Variants in WRN observed in about 807,000 individuals in gnomAD.
WRN encodes the protein WRN RecQ like helicase, also known as bifunctional 3'-5' exonuclease/ATP-dependent helicase WRN.
In WRN, 149 loss-of-function variants were observed where a neutral mutation model predicts 180.7. The observed-to-expected ratio is 0.82, with a 90% CI of 0.72 to 0.94. The LOEUF (loss-of-function observed/expected upper bound fraction) is 0.94, where lower values mean the gene tolerates loss of function less well. WRN is among the 40% of genes least tolerant of loss of function. WRN has a pLI of 0.00. For synonymous variants in WRN, 548 were observed against 568.9 expected, an observed-to-expected ratio of 0.96 and a Z score of 0.52; for missense variants, 1,661 against 1,700.1, an observed-to-expected ratio of 0.98 and a Z score of 0.40.
intron 8 of WRN, among the ~76,000 whole-genome samples, 166 bp from the exon 9 acceptor site, chr8:31,080,701 G>A (rs969197327): frequency 2.0e-5 from 3 of 152,062 alleles, no homozygotes; most frequent in African/African-American, 7.2e-5. Flanking sequence ...TAGCCTGCAA[G>A]CTGTAATTAT....
In WRN at chr8:31,135,276, C is replaced by G. The variant is rs535666554; in HGVS notation, c.2967+2770C>G. Among the ~76,000 whole-genome samples the G allele has an allele frequency of 7.9e-5, 12 of 152,088 alleles. No homozygotes were observed. The East Asian group carries it at 2.1e-3, about 27-fold the overall frequency. On this transcript the variant is annotated intron_variant, in intron 24 of 34. Transcript: ENST00000298139. Reference sequence around the variant, plus strand: ...TCTCCCCATGTTGCCCTGCCTGTCTCAAACTCCAGGGCTCTCAGGTGATAC... The same window carrying G: ...TCTCCCCATGTTGCCCTGCCTGTCTGAAACTCCAGGGCTCTCAGGTGATAC...
chr8:31,137,107 A>T (rs1186592462), intron 24 of WRN, among the ~76,000 whole-genome samples: 2 of 151,258 alleles, frequency 1.3e-5, no homozygotes, highest in African/African-American at 4.9e-5. Context: ...TTCCTAGTTG[A>T]AAAGGGAATA....
At chr8:31,060,601 C>T (rs147831915) in intron 3 of WRN, among the ~76,000 whole-genome samples, 1 of 152,252 alleles carries the variant, frequency 6.6e-6, no homozygotes, top group East Asian at 1.9e-4. Flanking sequence ...TGGTCTTCTA[C>T]TGGTATAGAT....
At position 31,132,419 on chromosome 8, in the gene WRN, T is replaced by G; in HGVS notation, c.2880T>G (p.Gly960=). 1.9e-6 allele frequency: 3 copies of G among 1,614,152 alleles called. No individual in the cohort carries two copies. Among genetic ancestry groups the G allele is most frequent in the Non-Finnish European group, 2.5e-6 (3 of 1,180,010 alleles). The change falls in exon 24 of 35, where the codon GGT becomes GGG. Residue 960 remains glycine, a synonymous_variant. Coordinates refer to ENST00000298139, the MANE Select transcript of WRN (RefSeq NM_000553.6). The part of the protein sequence containing the change: ...DDSEDTSWDF[G]PQAFKLLSAV... The stretch of plus-strand genomic sequence containing the variant: ...CAGAGGATACATCCTGGGACTTTGG[T>G]CCACAAGCATTTAAGCTTTTGTCTG...
intron 1 of WRN, among the ~76,000 whole-genome samples, chr8:31,034,274 G>T (rs1415359385): frequency 6.6e-6 from 1 of 152,188 alleles, no homozygotes; most frequent in East Asian, 1.9e-4. Context: ...TATTATGGCA[G>T]AAATTGAGCC....
Position 31,173,123 on chromosome 8 carries a change from T to C in WRN, c.*21T>C. 1 of 1,593,078 alleles carries C rather than the reference T, an allele frequency of 6.3e-7. No homozygotes were observed. Among genetic ancestry groups the C allele is most frequent in the Non-Finnish European group, 8.6e-7 (1 of 1,161,184 alleles). On this transcript the variant is annotated 3_prime_UTR_variant, in exon 35 of 35. Coordinates refer to ENST00000298139, the MANE Select transcript of WRN (RefSeq NM_000553.6). ...GTTAAGCTGGCAATTACCAGAACAA[T>C]TATGTTTCTTGCTGTATTATAAGAG... is the stretch of plus-strand genomic sequence containing the variant.
At chr8:31,051,278 A>T (rs1812069132) in intron 1 of WRN, among the ~76,000 whole-genome samples, 1 of 152,078 alleles carries the variant, frequency 6.6e-6, no homozygotes. Flanking sequence ...ACTGGTGTTA[A>T]ATTTGTCTAT....
chr8:31,059,263 T>G lies in WRN; in HGVS notation c.207T>G (p.Ile69Met). 1 of 1,609,332 alleles carries G rather than the reference T, an allele frequency of 6.2e-7. No individual in the cohort carries two copies. Among genetic ancestry groups the G allele is most frequent in the Non-Finnish European group, 8.5e-7 (1 of 1,175,788 alleles). The change falls in exon 3 of 35, where the codon ATT becomes ATG. Residue 69 changes from isoleucine to methionine, a missense_variant and splice_region_variant. Coordinates refer to ENST00000298139, the MANE Select transcript of WRN (RefSeq NM_000553.6). ...ATTGCTCTTTCCTGTCAGAAGATAT[T>G]AGGTAAGTGATTTGAATTTCCTGAT... ...ASDCSFLSEDISMSLSDGDVV... is the reference protein window; with the variant it reads ...ASDCSFLSEDMSMSLSDGDVV...
At position 31,120,324 on chromosome 8, in the gene WRN, G is replaced by A. The variant is rs1801675342; in HGVS notation, c.2530G>A (p.Asp844Asn). 2 of 1,612,868 alleles carry A rather than the reference G, an allele frequency of 1.2e-6. No homozygotes were observed. Among genetic ancestry groups the A allele is most frequent in the African/African-American group, 1.3e-5 (1 of 74,838 alleles). The change falls in exon 21 of 35, where the codon GAC becomes AAC. Residue 844 changes from aspartate to asparagine, a missense_variant. Physicochemically the swap from Asp to Asn is conservative, Grantham distance 23. Coordinates refer to ENST00000298139, the MANE Select transcript of WRN (RefSeq NM_000553.6). ...AGTCATTCATTACGGTGCTCCTAAG[G>A]ACATGGAATCATATTATCAGGAGAT... ...RQVIHYGAPK[D>N]MESYYQEIGR...
chr8:31,060,877 C>T (rs947719491), intron 3 of WRN, among the ~76,000 whole-genome samples: 9 of 152,178 alleles, frequency 5.9e-5, no homozygotes, highest in East Asian at 3.9e-4. Context: ...CTTTCCCCTC[C>T]TCTGGACACT....
chr8:31,041,189 G>A (rs1161903834), intron 1 of WRN, among the ~76,000 whole-genome samples: 5 of 152,144 alleles, frequency 3.3e-5, no homozygotes, highest in Non-Finnish European at 5.9e-5. Flanking sequence ...ATACCCACGG[G>A]AGCTAATGGT....
chr8:31,163,662 T>C (rs1437766464), intron 33 of WRN, among the ~76,000 whole-genome samples: 1 of 152,110 alleles, frequency 6.6e-6, no homozygotes, highest in Non-Finnish European at 1.5e-5. Flanking sequence ...ACCCCTTACC[T>C]TTAAAGTAAG....
chr8:31,129,264 G>C (rs1255800783), intron 23 of WRN, among the ~76,000 whole-genome samples: 2 of 152,202 alleles, frequency 1.3e-5, no homozygotes, highest in African/African-American at 4.8e-5. Flanking sequence ...TTATAGGCAT[G>C]AGCCATCACG....
In WRN at chr8:31,090,946, A is replaced by G. The variant is rs1285089598; in HGVS notation, c.1829+4A>G. 1 of 1,603,166 alleles carries G rather than the reference A, an allele frequency of 6.2e-7. No homozygotes were observed. Among genetic ancestry groups the G allele is most frequent in the East Asian group, 2.2e-5 (1 of 44,716 alleles). On this transcript the variant is annotated splice_donor_region_variant and intron_variant, in intron 15 of 34. Transcript: ENST00000298139. ...AAGACCAAGTGCTACAGCTTAAGTA[A>G]GTCATGTTATCATTGCCACAATATC...
At chr8:31,148,754 T>C (rs888726755) in intron 30 of WRN, among the ~76,000 whole-genome samples, 1 of 152,216 alleles carries the variant, frequency 6.6e-6, no homozygotes, top group Non-Finnish European at 1.5e-5. Flanking sequence ...CTAAAGATGC[T>C]TCTGTAGCAC....
At position 31,067,140 on chromosome 8, in the gene WRN, T is replaced by C; in HGVS notation, c.612T>C (p.Pro204=). ...SIRCSNWSKF[P]LTEDQKLYAA... ...GCTGTAGCAATTGGAGTAAATTTCC[T>C]CTCACTGAGGACCAGAAACTGTATG... The change falls in exon 6 of 35, where the codon CCT becomes CCC. Residue 204 remains proline, a synonymous_variant. Coordinates refer to ENST00000298139, the MANE Select transcript of WRN (RefSeq NM_000553.6). 6.2e-7 allele frequency: 1 copy of C among 1,613,946 alleles called. No homozygotes were observed. Among genetic ancestry groups the C allele is most frequent in the Non-Finnish European group, 8.5e-7 (1 of 1,179,966 alleles).
At chr8:31,080,181 C>T (rs1161573533) in intron 8 of WRN, among the ~76,000 whole-genome samples, 2 of 152,134 alleles carry the variant, frequency 1.3e-5, no homozygotes, top group African/African-American at 2.4e-5. Context: ...GTGCCCGCCC[C>T]AAATTTTCTT....
At chr8:31,130,048 G>T (rs2553276) in intron 23 of WRN, among the ~76,000 whole-genome samples, 54,777 of 147,154 alleles carry the variant, frequency 0.37, 11,645 homozygotes, top group East Asian at 0.62. Flanking sequence ...TAGTAAGAGG[G>T]CCCAGTGGCT....
At chr8:31,160,915 G>A (rs2737345) in intron 33 of WRN, among the ~76,000 whole-genome samples, 48,762 of 151,578 alleles carry the variant, frequency 0.32, 9,032 homozygotes, top group East Asian at 0.61. Context: ...ACCCCCATGG[G>A]AGGTGGAGGT....
Sources: allele counts gnomAD v4.1 joint callset (sites outside exome capture counted in the v4.1 genomes callset), GRCh38; gene constraint gnomAD v4.1.1; transcripts MANE v1.5; gene names NCBI Gene and HGNC (gene_info 2026-07-23, HGNC 2026-07-21).